Variants in GSDMC observed in about 807,000 individuals in gnomAD.
GSDMC encodes gasdermin-C.
Under a neutral mutation model 58.0 loss-of-function variants are expected in GSDMC, and 59 were observed. The ratio of observed to expected loss-of-function variants is 1.02; its 90% CI spans 0.82 to 1.26. The LOEUF (loss-of-function observed/expected upper bound fraction) is 1.26. Ranked by LOEUF, GSDMC falls within the 50% of genes most tolerant of loss-of-function variation. The pLI is 0.00. For synonymous variants in GSDMC, 241 were observed against 220.2 expected (o/e 1.09, Z -0.83); for missense variants, 659 against 598.5 (o/e 1.10, Z -1.06).
chr8:129,731,871 T>C, the GSDMC span, among the ~76,000 whole-genome samples: 70 of 152,330 alleles, frequency 4.6e-4, 1 homozygote, highest in East Asian at 7.7e-4. Flanking sequence ...CCCAGCCACA[T>C]TGACACCTAA....
chr8:129,729,997 GT>G, the GSDMC span: 1 of 1,472,954 alleles, frequency 6.8e-7, no homozygotes, highest in Non-Finnish European at 9.4e-7. Flanking sequence ...TGTCCGGATA[GT>G]TCATCTTCCA....
intron 1 of GSDMC, among the ~76,000 whole-genome samples, chr8:129,783,801 A>G (rs1342410038): frequency 1.3e-5 from 2 of 152,210 alleles, no homozygotes; most frequent in African/African-American, 4.8e-5. Flanking sequence ...CTGAGCAAAA[A>G]GAGCAAAACT....
chr8:129,765,945 T>G (rs2033843475), intron 3 of GSDMC, 152 bp from the exon 4 acceptor site: 1 of 615,210 alleles, frequency 1.6e-6, no homozygotes, highest in Admixed American at 2.9e-5. Flanking sequence ...GGCAGCAGAA[T>G]GTTTTATCTG....
Position 129,765,658 on chromosome 8 carries a change from C to T in GSDMC, c.540G>A (p.Gly180=). The T allele has an allele frequency of 6.2e-7, 1 of 1,613,654 alleles. No homozygotes were observed. The highest frequency in any genetic ancestry group is 1.1e-5 in the South Asian group (1 of 91,056). The change falls in exon 4 of 14, where the codon GGG becomes GGA. Residue 180 remains glycine (G), a synonymous_variant. Transcript: ENST00000276708. ...CATAGGTAATCCAAAGAGCAATTTT[C>T]CCTAAAATATTCACACTACTGCTAT... ...LYDSSSVNIL[G]KIALWITYGK... is the part of the protein sequence containing the mutation.
chr8:129,749,597 A>G, intron 12 of GSDMC, 72 bp from the exon 13 acceptor site: 1 of 1,071,224 alleles, frequency 9.3e-7, no homozygotes, highest in Non-Finnish European at 1.5e-6. Flanking sequence ...ATAAAGCAGG[A>G]GACCCCCTGA....
chr8:129,760,408 G>A, intron 6 of GSDMC, 137 bp downstream of exon 6: 1 of 515,628 alleles, frequency 1.9e-6, no homozygotes, highest in Non-Finnish European at 3.4e-6. Context: ...TTGAGAAGAT[G>A]AATACTCCAT....
the GSDMC span, among the ~76,000 whole-genome samples, chr8:129,740,067 A>G: frequency 6.6e-6 from 1 of 152,114 alleles, no homozygotes; most frequent in Non-Finnish European, 1.5e-5. Context: ...AAAATAAAGA[A>G]AAAGAAATTT....
the GSDMC span, among the ~76,000 whole-genome samples, chr8:129,727,468 G>T: frequency 6.6e-6 from 1 of 152,162 alleles, no homozygotes; most frequent in Non-Finnish European, 1.5e-5. Flanking sequence ...GCCCCAGTAC[G>T]TGAGAGAGAA....
intron 3 of GSDMC, 48 bp downstream of exon 3, chr8:129,776,054 C>T (rs753802763): frequency 2.8e-6 from 4 of 1,414,032 alleles, no homozygotes; most frequent in South Asian, 1.3e-5. Flanking sequence ...AAGGAAAACA[C>T]CCCCTGGGAT....
chr8:129,758,707 A>G (rs1420465319), intron 6 of GSDMC, among the ~76,000 whole-genome samples: 1 of 152,206 alleles, frequency 6.6e-6, no homozygotes, highest in African/African-American at 2.4e-5. Flanking sequence ...GATGAAAGAA[A>G]TTGAAGAAGA....
chr8:129,715,488 T>C, the GSDMC span, among the ~76,000 whole-genome samples: 8 of 152,136 alleles, frequency 5.3e-5, no homozygotes, highest in Admixed American at 4.6e-4. Flanking sequence ...ATGAAATCAG[T>C]AAACCCACAG....
chr8:129,785,956 G>C (rs2034543789), intron 1 of GSDMC, 55 bp downstream of exon 1: 1 of 152,130 alleles, frequency 6.6e-6, no homozygotes, highest in African/African-American at 2.4e-5. Flanking sequence ...GAACATTTTT[G>C]TCGCTGATGA....
chr8:129,711,220 A>G, the GSDMC span, among the ~76,000 whole-genome samples: 56 of 152,198 alleles, frequency 3.7e-4, no homozygotes, highest in Admixed American at 1.4e-3. Context: ...TGCGTGTACA[A>G]TCATGCCACC....
chr8:129,748,450 T>C lies in GSDMC; in HGVS notation c.*51A>G, dbSNP rs1274721867. The C allele has an allele frequency of 1.9e-6, 3 of 1,547,378 alleles. No individual in the cohort carries two copies. The South Asian group carries it at 3.8e-5, about 20-fold the overall frequency. ...TGCACCCATAAGGACACTCACAGCA[T>C]AGACTGGGCGAGGGCCAGCATCTCT... On this transcript the variant is annotated 3_prime_UTR_variant, in exon 14 of 14. Coordinates refer to ENST00000276708, the MANE Select transcript of GSDMC (RefSeq NM_031415.3).
intron 9 of GSDMC, 42 bp downstream of exon 9, chr8:129,751,820 G>A (rs1002736087): frequency 1.3e-6 from 2 of 1,586,974 alleles, no homozygotes; most frequent in East Asian, 2.2e-5. Context: ...CATGTGTGCA[G>A]GATGGGATCC....
the GSDMC span, among the ~76,000 whole-genome samples, chr8:129,722,351 T>G: frequency 1.3e-5 from 2 of 152,172 alleles, no homozygotes. Flanking sequence ...ACAGTTTTAT[T>G]TCTGGTAGCC....
chr8:129,748,431 C>CA lies in GSDMC; in HGVS notation c.*69dup. On this transcript the variant is annotated 3_prime_UTR_variant, in exon 14 of 14. Coordinates refer to ENST00000276708, the MANE Select transcript of GSDMC (RefSeq NM_031415.3). ...GAGGCACAGCCCTATCTCTTGCACC[C>CA]ATAAGGACACTCACAGCATAGACTG... 1 of 1,486,502 alleles carries CA rather than the reference C, an allele frequency of 6.7e-7. No individual in the cohort carries two copies. The highest frequency in any genetic ancestry group is 9.0e-7 in the Non-Finnish European group (1 of 1,106,704). 92.1% of individuals were successfully genotyped at this position (1,486,502 alleles called of 1,614,324 possible). A position where few individuals can be genotyped will look rare whatever the true frequency, so the allele number is the denominator to read the frequency against.
the GSDMC span, among the ~76,000 whole-genome samples, chr8:129,708,780 G>T: frequency 6.6e-6 from 1 of 152,254 alleles, no homozygotes; most frequent in African/African-American, 2.4e-5. Context: ...CAGCTGAAAT[G>T]CCTCTTCTAG....
the GSDMC span, among the ~76,000 whole-genome samples, chr8:129,709,568 T>TGATAGATA: frequency 2.1e-4 from 32 of 149,520 alleles, no homozygotes; most frequent in East Asian, 4.0e-4. Context: ...AGATGGTAGA[T>TGATAGATA]GATAGATGAT....
Sources: allele counts gnomAD v4.1 joint callset (sites outside exome capture counted in the v4.1 genomes callset), GRCh38; gene constraint gnomAD v4.1.1; transcripts MANE v1.5; gene names NCBI Gene and HGNC (gene_info 2026-07-23, HGNC 2026-07-21).